MDN1: variants seen among roughly 807,000 people sequenced by gnomAD.
MDN1 encodes the protein midasin.
MDN1 carries 266 observed loss-of-function variants against 669.2 expected under a neutral mutation model. The observed-to-expected ratio is 0.40, with a 90% CI of 0.36 to 0.44. The LOEUF (loss-of-function observed/expected upper bound fraction) is 0.44, where lower values mean the gene tolerates loss of function less well. Ranked by LOEUF, MDN1 falls within the 20% of genes least tolerant of loss-of-function variation. MDN1 has a pLI of 1.00. For synonymous variants in MDN1, 2,385 were observed against 2,457.1 expected (o/e 0.97, Z 0.87); for missense variants, 5,940 against 6,754.0 (o/e 0.88, Z 4.22).
Position 89,696,438 on chromosome 6 carries a change from A to G in MDN1, c.9305T>C (p.Val3102Ala), listed in dbSNP as rs1452429464. 4 of 1,614,116 alleles carry G rather than the reference A, an allele frequency of 2.5e-6. No individual in the cohort carries two copies. The highest frequency in any genetic ancestry group is 1.1e-5 in the South Asian group (1 of 91,074). ...GTCCTGGAGCTGCTGAGTTCTCTCAACCCACTCTCCTAGGGTCACGTGAGA... is the reference window on the plus strand; with the variant it reads ...GTCCTGGAGCTGCTGAGTTCTCTCAGCCCACTCTCCTAGGGTCACGTGAGA... ...SSSHVTLGEW[V>A]ERTQQLQDIS... is the part of the protein sequence containing the mutation. The change falls in exon 60 of 102, where the codon GTT (valine) becomes GCT (alanine). Residue 3102 changes from valine (V) to alanine (A), a missense_variant. Val to Ala is a moderately conservative substitution (Grantham distance 64, BLOSUM62 0). This residue lies in a region of MDN1 where 2,292 missense variants were observed against 2,638.3 expected (regional missense o/e 0.87). Coordinates refer to ENST00000369393, the MANE Select transcript of MDN1 (RefSeq NM_014611.3).
chr6:89,798,898 T>C, intron 2 of MDN1, among the ~76,000 whole-genome samples: 1 of 152,196 alleles, frequency 6.6e-6, no homozygotes, highest in Admixed American at 6.6e-5. Context: ...TACCATTCTG[T>C]ATTGTTGAAT....
chr6:89,760,836 C>G (rs1817505518), intron 17 of MDN1, among the ~76,000 whole-genome samples: 1 of 152,060 alleles, frequency 6.6e-6, no homozygotes, highest in Admixed American at 6.6e-5. Context: ...TTAGCAGAGG[C>G]TGGAGAGTTA....
At position 89,718,876 on chromosome 6, in the gene MDN1, C is replaced by A; in HGVS notation, c.6212G>T (p.Gly2071Val). 1 of 1,614,136 alleles carries A rather than the reference C, an allele frequency of 6.2e-7. No individual in the cohort carries two copies. Among genetic ancestry groups the A allele is most frequent in the South Asian group, 1.1e-5 (1 of 91,082 alleles). The part of the protein sequence containing the change: ...MVILVGPASV[G>V]KTSLVQLLAH... ...CAGAAGCTGGACCAGGCTGGTCTTGCCCACAGAGGCTGGCCCGACCAGGAT... is the reference window on the plus strand; with the variant it reads ...CAGAAGCTGGACCAGGCTGGTCTTGACCACAGAGGCTGGCCCGACCAGGAT... Residue 2071 changes from glycine (G) to valine (V), a missense_variant, in exon 42 of 102, where the codon GGC becomes GTC. Physicochemically the swap from Gly to Val is moderately radical, Grantham distance 109. Around this residue, in one of 5 missense-constraint regions of MDN1, gnomAD observed 2,292 missense variants for 2,638.3 expected, o/e 0.87. Transcript: ENST00000369393.
chr6:89,671,769 A>G (rs1289545130), intron 82 of MDN1, among the ~76,000 whole-genome samples: 2 of 152,240 alleles, frequency 1.3e-5, no homozygotes, highest in East Asian at 3.8e-4. Context: ...ACAGAATAAC[A>G]TACAATGTCC....
chr6:89,812,178 G>A (rs1034909578), intron 1 of MDN1, among the ~76,000 whole-genome samples: 1 of 151,760 alleles, frequency 6.6e-6, no homozygotes. Context: ...TAGAGACGGG[G>A]TTTCACTATG....
intron 2 of MDN1, among the ~76,000 whole-genome samples, chr6:89,796,339 A>AAAAAAC (rs1819605033): frequency 9.2e-6 from 1 of 108,890 alleles, no homozygotes; most frequent in African/African-American, 3.3e-5. Flanking sequence ...AAAAAAAAAA[A>AAAAAAC]AAAAAAAAAA....
intron 32 of MDN1, among the ~76,000 whole-genome samples, chr6:89,739,887 CT>C (rs1190090652): frequency 6.6e-6 from 1 of 152,168 alleles, no homozygotes; most frequent in African/African-American, 2.4e-5. Flanking sequence ...AGAGGTTAAA[CT>C]TAAATTTCAG....
intron 1 of MDN1, among the ~76,000 whole-genome samples, chr6:89,809,784 T>TAAATAAAATAAAATAAAATA (rs58439361): frequency 0.019 from 2,151 of 112,574 alleles, 55 homozygotes; most frequent in East Asian, 0.063. Flanking sequence ...TCAAAATAAA[T>TAAATAAAATAAAATAAAATA]AAATAAAATA....
intron 15 of MDN1, among the ~76,000 whole-genome samples, chr6:89,769,463 G>T (rs1193269721): frequency 2.6e-5 from 4 of 152,284 alleles, no homozygotes; most frequent in African/African-American, 9.6e-5. Flanking sequence ...GCTGAAGCAG[G>T]ACTACTTGAG....
chr6:89,684,012 A>ACAGTCCTGTGTTT, intron 71 of MDN1, 108 bp from the exon 72 acceptor site: 1 of 815,098 alleles, frequency 1.2e-6, no homozygotes, highest in Non-Finnish European at 2.0e-6. Context: ...TCCCAAACAC[A>ACAGTCCTGTGTTT]GGACTGTGTG....
At chr6:89,662,057 G>A (rs751936568) in intron 87 of MDN1, 30 bp downstream of exon 87, 47 of 1,596,246 alleles carry the variant, frequency 2.9e-5, no homozygotes, top group Non-Finnish European at 3.8e-5. Context: ...CTTGAGTCAA[G>A]AGAGCGGATC....
chr6:89,725,441 C>A (rs747263981), intron 37 of MDN1, 45 bp from the exon 38 acceptor site: 3 of 1,476,798 alleles, frequency 2.0e-6, no homozygotes, highest in South Asian at 1.2e-5. Context: ...ATATATTATA[C>A]AACTGCAACA....
chr6:89,769,680 T>G (rs1231114031), intron 15 of MDN1, among the ~76,000 whole-genome samples: 3 of 152,200 alleles, frequency 2.0e-5, no homozygotes, highest in Non-Finnish European at 4.4e-5. Flanking sequence ...ACAGATATAT[T>G]CTATTCACCA....
intron 38 of MDN1, among the ~76,000 whole-genome samples, chr6:89,723,932 C>T (rs776172637): frequency 5.3e-5 from 8 of 152,062 alleles, no homozygotes; most frequent in Non-Finnish European, 1.2e-4. Context: ...ATCATGAGGT[C>T]AAGAGATCAA....
chr6:89,744,121 A>AAC lies in MDN1; in HGVS notation c.4179-408_4179-407insGT, dbSNP rs1554190567. ...GCCTTCTTAAAAAAAAAAAAAAAAA[A>AAC]AAAAAAAAAACCACCACCAAGAGAG... On this transcript the variant is annotated intron_variant, in intron 29 of 101. Coordinates refer to ENST00000369393, the MANE Select transcript of MDN1 (RefSeq NM_014611.3). 2.7e-5 allele frequency among the ~76,000 whole-genome samples: 4 copies of AAC among 146,022 alleles called. 1 individual carries two copies. In the East Asian group the frequency reaches 6.1e-4, roughly 22 times the overall value.
chr6:89,740,522 T>A (rs1816237072), intron 31 of MDN1, 144 bp from the exon 32 acceptor site: 1 of 785,168 alleles, frequency 1.3e-6, no homozygotes, highest in Non-Finnish European at 1.8e-6. Context: ...TCACAAATTT[T>A]AAAATGACTC....
chr6:89,667,972 A>G (rs762673310), intron 84 of MDN1, 42 bp downstream of exon 84: 1 of 1,598,222 alleles, frequency 6.3e-7, no homozygotes, highest in Admixed American at 1.7e-5. Context: ...GAAAAGAAAG[A>G]GAGTGATCTT....
At position 89,758,827 on chromosome 6, in the gene MDN1, C is replaced by T. The variant is rs756897005; in HGVS notation, c.2594G>A (p.Arg865Gln). The T allele has an allele frequency of 4.7e-5, 76 of 1,614,008 alleles. No homozygotes were observed. The highest frequency in any genetic ancestry group is 4.0e-5 in the African/African-American group (3 of 74,926). Reference protein sequence around the residue: ...GSSGSLVLLDRGDTEPLVRHP... With the variant: ...GSSGSLVLLDQGDTEPLVRHP... ...GATTCAAGTGCTACCTGTGTCTCCTCGATCCAGCAACACCAGGGATCCAGA... is the reference window on the plus strand; with the variant it reads ...GATTCAAGTGCTACCTGTGTCTCCTTGATCCAGCAACACCAGGGATCCAGA... Residue 865 changes from arginine to glutamine, a missense_variant, in exon 18 of 102, where the codon CGA (arginine) becomes CAA (glutamine). By Grantham distance (43) the Arg-to-Gln change is conservative (BLOSUM62 1). Transcript: ENST00000369393.
At position 89,668,140 on chromosome 6, in the gene MDN1, C is replaced by T. The variant is rs745527661; in HGVS notation, c.13968G>A (p.Leu4656=). The T allele has an allele frequency of 1.2e-6, 2 of 1,613,822 alleles. No individual in the cohort carries two copies. The highest frequency in any genetic ancestry group is 2.7e-5 in the African/African-American group (2 of 74,902). ...CTGAATCTTCCATAAATTCTTTGGG[C>T]AAGCAAAATCCCTTAGAAAAAAGAA... is the stretch of plus-strand genomic sequence containing the variant. ...FTELAQKGFC[L]PKEFMEDSAG... The change falls in exon 84 of 102, where the codon TTG becomes TTA. Residue 4656 remains leucine, a synonymous_variant. Transcript: ENST00000369393.
Sources: allele counts gnomAD v4.1 joint callset (sites outside exome capture counted in the v4.1 genomes callset), GRCh38; gene constraint gnomAD v4.1.1; regional missense constraint gnomAD v4.1.1; transcripts MANE v1.5; gene names NCBI Gene and HGNC (gene_info 2026-07-23, HGNC 2026-07-21).